The following CLDN16 variants were observed in gnomAD, a reference collection of about 807,000 sequenced individuals.
The protein encoded by CLDN16 is claudin 16.
CLDN16 carries 13 observed loss-of-function variants against 24.6 expected under a neutral mutation model. That is an observed-to-expected ratio of 0.53 (90% confidence interval 0.34 to 0.84). The LOEUF (loss-of-function observed/expected upper bound fraction) is 0.84, where lower values mean the gene tolerates loss of function less well. Among genes scored for constraint, CLDN16 ranks in the 40% least tolerant of loss-of-function variants. The pLI is 0.01. For missense variants in CLDN16, 298 were observed against 292.7 expected, an observed-to-expected ratio of 1.02 and a Z score of -0.13; for synonymous variants, 116 against 106.7, an observed-to-expected ratio of 1.09 and a Z score of -0.54.
At chr3:190,370,381 T>G (rs1452999068) in intron 1 of CLDN16, among the ~76,000 whole-genome samples, 1 of 152,014 alleles carries the variant, frequency 6.6e-6, no homozygotes, top group Non-Finnish European at 1.5e-5. Context: ...ACTCATTAAC[T>G]TAAACTTAGT....
chr3:190,313,346 A>G, the CLDN16 span: 1 of 339,204 alleles, frequency 2.9e-6, no homozygotes. Flanking sequence ...GAACTAATAC[A>G]TATTTATTTT....
intron 1 of CLDN16, among the ~76,000 whole-genome samples, chr3:190,394,638 A>G (rs1208594878): frequency 1.3e-5 from 2 of 152,194 alleles, no homozygotes; most frequent in African/African-American, 2.4e-5. Flanking sequence ...ACTGATGTAC[A>G]TTAATGTGAA....
At chr3:190,407,942 C>CTACA (rs1374659713) in intron 3 of CLDN16, among the ~76,000 whole-genome samples, 1 of 152,090 alleles carries the variant, frequency 6.6e-6, no homozygotes, top group African/African-American at 2.4e-5. Context: ...TTGTGTTAGA[C>CTACA]TACATTCTTT....
intron 1 of CLDN16, among the ~76,000 whole-genome samples, chr3:190,351,819 T>C (rs539146793): frequency 6.6e-6 from 1 of 152,226 alleles, no homozygotes; most frequent in South Asian, 2.1e-4. Flanking sequence ...TTTTATCTAT[T>C]AGCATTCTAA....
intron 1 of CLDN16, among the ~76,000 whole-genome samples, chr3:190,399,659 T>G (rs1163053959): frequency 2.0e-5 from 3 of 152,218 alleles, no homozygotes; most frequent in Non-Finnish European, 2.9e-5. Context: ...TCTCAAACAT[T>G]TATTTTTTGT....
intron 1 of CLDN16, among the ~76,000 whole-genome samples, chr3:190,367,281 T>G (rs1718044055): frequency 6.6e-6 from 1 of 152,136 alleles, no homozygotes; most frequent in Admixed American, 6.5e-5. Context: ...GAAAGCAAGA[T>G]AATCATTACT....
At chr3:190,332,793 A>G (rs1315988069) in intron 1 of CLDN16, among the ~76,000 whole-genome samples, 1 of 151,360 alleles carries the variant, frequency 6.6e-6, no homozygotes, top group Non-Finnish European at 1.5e-5. Flanking sequence ...TTTTTGTTAC[A>G]AGACATACTA....
the CLDN16 span, among the ~76,000 whole-genome samples, chr3:190,314,539 C>G: frequency 6.6e-6 from 1 of 150,804 alleles, no homozygotes; most frequent in Non-Finnish European, 1.5e-5. Context: ...GGACTGCAGG[C>G]ACGAACCACC....
chr3:190,331,993 G>A (rs781044954), intron 1 of CLDN16, among the ~76,000 whole-genome samples: 6 of 39,396 alleles, frequency 1.5e-4, no homozygotes, highest in African/African-American at 6.6e-4. Flanking sequence ...CCATTTCTCT[G>A]GTTCACTCTC....
At chr3:190,390,145 C>T (rs1271482686) in intron 1 of CLDN16, among the ~76,000 whole-genome samples, 1 of 152,196 alleles carries the variant, frequency 6.6e-6, no homozygotes, top group African/African-American at 2.4e-5. Context: ...CTCAAGTAAA[C>T]CCTTGCTAAC....
At chr3:190,408,939 A>G (rs1271586147) in intron 4 of CLDN16, among the ~76,000 whole-genome samples, 3 of 149,700 alleles carry the variant, frequency 2.0e-5, no homozygotes, top group Non-Finnish European at 3.0e-5. Flanking sequence ...ACATATACAC[A>G]TATGTATATG....
chr3:190,325,654 A>C (rs1717045236), intron 1 of CLDN16, among the ~76,000 whole-genome samples: 1 of 152,236 alleles, frequency 6.6e-6, no homozygotes, highest in Admixed American at 6.5e-5. Context: ...TGTGAGTGTC[A>C]GAAGAGAGTG....
chr3:190,385,739 C>A (rs899763599), upstream of CLDN16, among the ~76,000 whole-genome samples: 2 of 152,112 alleles, frequency 1.3e-5, no homozygotes, highest in Admixed American at 6.6e-5. Flanking sequence ...GAGTTTGTAG[C>A]AAAGATGGAA....
intron 4 of CLDN16, 141 bp downstream of exon 4, chr3:190,408,646 G>T: frequency 1.3e-6 from 1 of 770,034 alleles, no homozygotes. Context: ...TTGTTCAAGG[G>T]CAATTGAATT....
intron 1 of CLDN16, among the ~76,000 whole-genome samples, chr3:190,335,486 G>A (rs1244413944): frequency 6.6e-6 from 1 of 151,954 alleles, no homozygotes; most frequent in Non-Finnish European, 1.5e-5. Context: ...AGGCCGAAAC[G>A]GGTGGATCAT....
intron 2 of CLDN16, 95 bp from the exon 3 acceptor site, chr3:190,404,667 T>C: frequency 8.3e-7 from 1 of 1,208,808 alleles, no homozygotes; most frequent in Admixed American, 1.7e-5. Flanking sequence ...GGTGTGTTAA[T>C]GTTACCTACT....
At chr3:190,333,109 C>T (rs1386895277) in intron 1 of CLDN16, among the ~76,000 whole-genome samples, 2 of 152,118 alleles carry the variant, frequency 1.3e-5, no homozygotes, top group African/African-American at 2.4e-5. Flanking sequence ...TTACACCCAA[C>T]AAGGTTGATA....
the CLDN16 span, among the ~76,000 whole-genome samples, chr3:190,313,916 C>T: frequency 2.0e-5 from 3 of 152,068 alleles, no homozygotes; most frequent in East Asian, 3.9e-4. Context: ...GGCATAAAGG[C>T]ACAGATTTTT....
chr3:190,382,770 T>G (rs1323506350), intron 3 of CLDN16, among the ~76,000 whole-genome samples: 2 of 152,144 alleles, frequency 1.3e-5, no homozygotes, highest in Admixed American at 6.6e-5. Flanking sequence ...TCTGTTCCCT[T>G]TTTGAAAACA....
Sources: allele counts gnomAD v4.1 joint callset (sites outside exome capture counted in the v4.1 genomes callset), GRCh38; gene constraint gnomAD v4.1.1; transcripts MANE v1.5; gene names NCBI Gene and HGNC (gene_info 2026-07-23, HGNC 2026-07-21).